The following MAP3K4 variants were observed in gnomAD, a reference collection of about 807,000 sequenced individuals.
The protein encoded by MAP3K4 is MAP three kinase 1.
A neutral mutation model predicts 185.6 loss-of-function variants in MAP3K4; 67 were observed. The ratio of observed to expected loss-of-function variants is 0.36; its 90% CI spans 0.30 to 0.44. The LOEUF (loss-of-function observed/expected upper bound fraction) is 0.44, where lower values mean the gene tolerates loss of function less well. MAP3K4 is among the 20% of genes least tolerant of loss of function. MAP3K4 has a pLI of 1.00. For missense variants in MAP3K4, 1,551 were observed against 1,995.1 expected (o/e 0.78, Z 4.24); for synonymous variants, 702 against 710.4 (o/e 0.99, Z 0.19).
Position 161,106,561 on chromosome 6 carries a change from C to T in MAP3K4, c.3904C>T (p.Arg1302Ter). The T allele has an allele frequency of 1.2e-6, 2 of 1,613,002 alleles. No homozygotes were observed. Among genetic ancestry groups the T allele is most frequent in the African/African-American group, 1.3e-5 (1 of 74,896 alleles). ...CATAGAAGCTATCCAGAAGTCAGTC[C>T]GATTGTTTGAAGAAAAGAGGTACCG... ...GPIEAIQKSV[R>*]LFEEKRYREM... Residue 1302 changes from arginine (R) to a stop codon, truncating the protein, a stop_gained, in exon 20 of 27, where the codon CGA (arginine) becomes TGA (stop). Transcript: ENST00000392142. LOFTEE classifies it high-confidence loss of function. This position sits in a 1 kb window ranked among gnomAD's most constrained non-coding sequence, Gnocchi z 4.9.
Position 161,049,344 on chromosome 6 carries a change from A to T in MAP3K4, c.1072A>T (p.Met358Leu), listed in dbSNP as rs1403764406. The T allele has an allele frequency of 1.9e-6, 3 of 1,614,038 alleles. No individual in the cohort carries two copies. The South Asian group carries it at 3.3e-5, about 18-fold the overall frequency. Reference sequence around the variant, plus strand: ...CTCATTTGAGCAGGTAAAACGGATAATGGAGCTGCTAGAGTACATAGAAGC... The same window carrying T: ...CTCATTTGAGCAGGTAAAACGGATATTGGAGCTGCTAGAGTACATAGAAGC... The part of the protein sequence containing the change: ...RVSFEQVKRI[M>L]ELLEYIEALY... The change falls in exon 3 of 27, where the codon ATG becomes TTG. Residue 358 changes from methionine (M) to leucine (L), a missense_variant. Coordinates refer to ENST00000392142, the MANE Select transcript of MAP3K4 (RefSeq NM_005922.4). This position sits in a 1 kb window ranked among gnomAD's most constrained non-coding sequence, Gnocchi z 8.4.
chr6:161,036,821 A>G (rs1399132159), intron 2 of MAP3K4, among the ~76,000 whole-genome samples: 2 of 152,196 alleles, frequency 1.3e-5, no homozygotes, highest in Non-Finnish European at 2.9e-5. Context: ...TTGAATACAG[A>G]CATGATGCTC....
Position 161,087,587 on chromosome 6 carries a change from T to C in MAP3K4, c.2557-101T>C, listed in dbSNP as rs1000858614. 4 of 1,245,196 alleles carry C rather than the reference T, an allele frequency of 3.2e-6. No homozygotes were observed. The highest frequency in any genetic ancestry group is 1.2e-5 in the South Asian group (1 of 80,082). 77.1% of individuals were successfully genotyped at this position (1,245,196 alleles called of 1,614,324 possible). ...GCTCCAATTCATGCCCTTCCCACTT[T>C]CCCTTTCCCAAACCTGCCTCTCCTT... On this transcript the variant is annotated intron_variant, in intron 9 of 26. Coordinates refer to ENST00000392142, the MANE Select transcript of MAP3K4 (RefSeq NM_005922.4). This position sits in a 1 kb window ranked among gnomAD's most constrained non-coding sequence, Gnocchi z 4.9.
chr6:161,049,536 A>G lies in MAP3K4; in HGVS notation c.1264A>G (p.Ile422Val), dbSNP rs748327150. 1 of 1,614,228 alleles carries G rather than the reference A, an allele frequency of 6.2e-7. No individual in the cohort carries two copies. The highest frequency in any genetic ancestry group is 2.2e-5 in the East Asian group (1 of 44,892). ...TVLGIKNLSD[I>V]GWPVFEIPSP... ...TTTGGGCATCAAGAATTTATCAGAC[A>G]TTGGCTGGCCAGTGTTTGAAATCCC... The change falls in exon 3 of 27, where the codon ATT (isoleucine) becomes GTT (valine). Residue 422 changes from isoleucine (I) to valine (V), a missense_variant. By Grantham distance (29) the Ile-to-Val change is conservative (BLOSUM62 3). This residue lies in a region of MAP3K4 where 24 missense variants were observed against 48.5 expected (regional missense o/e 0.49). Transcript: ENST00000392142. The surrounding 1 kb of genome is among the most constrained non-coding windows in gnomAD (Gnocchi z 8.4).
chr6:161,095,355 A>T (rs548170612), intron 15 of MAP3K4, among the ~76,000 whole-genome samples: 63 of 152,236 alleles, frequency 4.1e-4, no homozygotes, highest in Non-Finnish European at 7.8e-4. Context: ...TTCCATACGC[A>T]ACAGGGGTCA....
rs1783579710 is a variant in MAP3K4 at position 161,043,469 on chromosome 6, AAC to A, written c.344-5144_344-5143del. 6.6e-6 allele frequency among the ~76,000 whole-genome samples: 1 copy of A among 152,164 alleles called. No homozygotes were observed. Among genetic ancestry groups the A allele is most frequent in the South Asian group, 2.1e-4 (1 of 4,828 alleles). Reference sequence around the variant, plus strand: ...CTTGGTCAGTTGGTACTGCCTTGCAAACACCTTTGACAAGTCCAAGGATGGTG... The same window carrying A: ...CTTGGTCAGTTGGTACTGCCTTGCAAACCTTTGACAAGTCCAAGGATGGTG... On this transcript the variant is annotated intron_variant, in intron 2 of 26. Transcript: ENST00000392142. The surrounding 1 kb of genome is among the most constrained non-coding windows in gnomAD (Gnocchi z 4.3).
rs1015028133 is a variant in MAP3K4 at position 161,098,490 on chromosome 6, C to T, written c.3674+63C>T. On this transcript the variant is annotated intron_variant, in intron 17 of 26. Coordinates refer to ENST00000392142, the MANE Select transcript of MAP3K4 (RefSeq NM_005922.4). The surrounding 1 kb of genome is among the most constrained non-coding windows in gnomAD (Gnocchi z 4.4). ...CCCTTACATGCGCTTACACAGCAAC[C>T]ATAGTGTTAGGGTGTGTGCCGGCTG... 1.3e-6 allele frequency: 2 copies of T among 1,550,978 alleles called. No individual in the cohort carries two copies.
rs778728572 is a variant in MAP3K4, at chr6:161,106,621, T to A, written c.3964T>A (p.Cys1322Ser). ...GAGAAAGAATATCATTGGTCAAGTT[T>A]GTGATACGCCTAAGTCCTATGATAA... ...MRRKNIIGQV[C>S]DTPKSYDNVM... The change falls in exon 20 of 27, where the codon TGT (cysteine) becomes AGT (serine). Residue 1322 changes from cysteine (C) to serine (S), a missense_variant. This residue lies in a region of MAP3K4 where 272 missense variants were observed against 301.2 expected (regional missense o/e 0.90). Transcript: ENST00000392142. The surrounding 1 kb of genome is among the most constrained non-coding windows in gnomAD (Gnocchi z 4.9). 6.2e-7 allele frequency: 1 copy of A among 1,614,062 alleles called. No homozygotes were observed. Among genetic ancestry groups the A allele is most frequent in the Admixed American group, 1.7e-5 (1 of 60,016 alleles).
rs1486020656 is a variant in MAP3K4, at chr6:161,086,056, G to A, written c.2373-323G>A. On this transcript the variant is annotated intron_variant, in intron 7 of 26. Coordinates refer to ENST00000392142, the MANE Select transcript of MAP3K4 (RefSeq NM_005922.4). This position sits in a 1 kb window ranked among gnomAD's most constrained non-coding sequence, Gnocchi z 4.8. The stretch of plus-strand genomic sequence containing the variant: ...GTATAGATTTCTTTTTAGATTACGA[G>A]CCAGGAGTTAAGAACTTAACCTTAA... Among the ~76,000 whole-genome samples the A allele has an allele frequency of 6.6e-6, 1 of 152,166 alleles. No individual in the cohort carries two copies. The highest frequency in any genetic ancestry group is 1.5e-5 in the Non-Finnish European group (1 of 68,030).
intron 1 of MAP3K4, among the ~76,000 whole-genome samples, chr6:161,032,296 A>G (rs1012583683): frequency 9.2e-5 from 14 of 152,216 alleles, no homozygotes; most frequent in African/African-American, 1.4e-4. Context: ...AAGGTGAAGC[A>G]GATAGATGAG....
chr6:161,005,296 G>A (rs1389908359), intron 1 of MAP3K4, among the ~76,000 whole-genome samples: 1 of 151,932 alleles, frequency 6.6e-6, no homozygotes, highest in Non-Finnish European at 1.5e-5. Context: ...ATGCCACCAT[G>A]CGTGGCTAGT....
intron 1 of MAP3K4, among the ~76,000 whole-genome samples, chr6:161,001,038 TA>T (rs1383716263): frequency 2.2e-4 from 8 of 36,128 alleles, no homozygotes; most frequent in South Asian, 7.3e-4. Flanking sequence ...TTATATATTA[TA>T]ATATACACAT....
rs1366507649 is a variant in MAP3K4 at position 161,061,162 on chromosome 6, A to G, written c.1708-9446A>G. 6.6e-6 allele frequency among the ~76,000 whole-genome samples: 1 copy of G among 152,202 alleles called. No homozygotes were observed. The highest frequency in any genetic ancestry group is 1.5e-5 in the Non-Finnish European group (1 of 68,042). On this transcript the variant is annotated intron_variant, in intron 3 of 26. Coordinates refer to ENST00000392142, the MANE Select transcript of MAP3K4 (RefSeq NM_005922.4). The surrounding 1 kb of genome is among the most constrained non-coding windows in gnomAD (Gnocchi z 4.2). ...CTTAATCTCTTCTGACTTAATCCAT[A>G]TATCACCACCTTTCTTTTTTTATTG...
Position 161,103,158 on chromosome 6 carries a change from TAGC to T in MAP3K4, c.3856+382_3856+384del, listed in dbSNP as rs1419425883. On this transcript the variant is annotated intron_variant, in intron 19 of 26. Coordinates refer to ENST00000392142, the MANE Select transcript of MAP3K4 (RefSeq NM_005922.4). This position sits in a 1 kb window ranked among gnomAD's most constrained non-coding sequence, Gnocchi z 4.6. ...TGATTAATATTATCAAAAGAACAAA[TAGC>T]AGAAAAATCATTGGTCTAGTATTTA... 4.6e-5 allele frequency among the ~76,000 whole-genome samples: 7 copies of T among 152,178 alleles called. No homozygotes were observed. Among genetic ancestry groups the T allele is most frequent in the Non-Finnish European group, 7.4e-5 (5 of 68,024 alleles).
In MAP3K4 at chr6:161,103,301, A is replaced by G. The variant is rs1460621017; in HGVS notation, c.3856+522A>G. Among the ~76,000 whole-genome samples, 1 of 152,196 alleles carries G rather than the reference A, an allele frequency of 6.6e-6. No individual in the cohort carries two copies. Among genetic ancestry groups the G allele is most frequent in the Non-Finnish European group, 1.5e-5 (1 of 68,036 alleles). ...TCTAAGCAGCCCAATAATTTGGCCA[A>G]GGTAGTAAATGAGAGGGTGAGGACC... is the stretch of plus-strand genomic sequence containing the variant. On this transcript the variant is annotated intron_variant, in intron 19 of 26. Coordinates refer to ENST00000392142, the MANE Select transcript of MAP3K4 (RefSeq NM_005922.4). This position sits in a 1 kb window ranked among gnomAD's most constrained non-coding sequence, Gnocchi z 4.6.
intron 1 of MAP3K4, among the ~76,000 whole-genome samples, chr6:161,032,061 T>C (rs1239259352): frequency 6.6e-6 from 1 of 152,236 alleles, no homozygotes; most frequent in Non-Finnish European, 1.5e-5. Context: ...AGTGCATTAT[T>C]ATGAAAAGCA....
chr6:161,117,102 T>G lies in MAP3K4; in HGVS notation c.*232T>G, dbSNP rs1031030707. 8.8e-6 allele frequency: 5 copies of G among 571,388 alleles called. No individual in the cohort carries two copies. Among genetic ancestry groups the G allele is most frequent in the African/African-American group, 5.7e-5 (3 of 52,878 alleles). The allele number at this position is 571,388 out of a possible 1,614,324, so 35.4% of individuals were successfully genotyped here. On this transcript the variant is annotated 3_prime_UTR_variant, in exon 27 of 27. Transcript: ENST00000392142. ...GAAGCTGCATGTTAAGTGCCATTAC[T>G]ACTGTACACGGACCATCGCCTCTGT...
Position 161,091,329 on chromosome 6 carries a change from T to C in MAP3K4, c.2974-50T>C. Reference sequence around the variant, plus strand: ...AAATCTTCCTTTAAAATGTGGTAAGTATTGTATGATTTGCTTCATTTTGCA... The same window carrying C: ...AAATCTTCCTTTAAAATGTGGTAAGCATTGTATGATTTGCTTCATTTTGCA... On this transcript the variant is annotated intron_variant, in intron 11 of 26. Coordinates refer to ENST00000392142, the MANE Select transcript of MAP3K4 (RefSeq NM_005922.4). The surrounding 1 kb of genome is among the most constrained non-coding windows in gnomAD (Gnocchi z 5.5). 1 of 1,506,914 alleles carries C rather than the reference T, an allele frequency of 6.6e-7. No homozygotes were observed. Among genetic ancestry groups the C allele is most frequent in the South Asian group, 1.2e-5 (1 of 83,648 alleles). The allele number at this position is 1,506,914 out of a possible 1,614,324, so 93.3% of individuals were successfully genotyped here. A position where few individuals can be genotyped will look rare whatever the true frequency, so the allele number is the denominator to read the frequency against.
Position 161,112,560 on chromosome 6 carries a change from T to A in MAP3K4, c.4520-108T>A, listed in dbSNP as rs1004965874. ...TAAATTTTTGATATTTCCCATTACCTAATGCAGGAAGATAATATTGTACAA... is the reference window on the plus strand; with the variant it reads ...TAAATTTTTGATATTTCCCATTACCAAATGCAGGAAGATAATATTGTACAA... On this transcript the variant is annotated intron_variant, in intron 24 of 26. Coordinates refer to ENST00000392142, the MANE Select transcript of MAP3K4 (RefSeq NM_005922.4). The surrounding 1 kb of genome is among the most constrained non-coding windows in gnomAD (Gnocchi z 5.1). The A allele has an allele frequency of 3.3e-5, 23 of 689,576 alleles. No individual in the cohort carries two copies. Among genetic ancestry groups the A allele is most frequent in the Admixed American group, 6.4e-5 (2 of 31,192 alleles). The allele number at this position is 689,576 out of a possible 1,614,324, so 42.7% of individuals were successfully genotyped here.
Sources: gnomAD v4.1 joint callset for allele counts (sites outside exome capture counted in the v4.1 genomes callset) on GRCh38, gnomAD v4.1.1 for gene constraint, gnomAD v4.1.1 regional missense constraint, Gnocchi (gnomAD v3.1) non-coding constraint, MANE v1.5 for transcripts, NCBI Gene and HGNC (gene_info 2026-07-23, HGNC 2026-07-21) for gene names.